The following RSU1 variants were observed in gnomAD, a reference collection of about 807,000 sequenced individuals.
The protein encoded by RSU1 is rsu-1.
Under a neutral mutation model 31.1 loss-of-function variants are expected in RSU1, and 26 were observed. The observed-to-expected ratio is 0.84, with a 90% CI of 0.61 to 1.16. The LOEUF is 1.16. Ranked by LOEUF, RSU1 falls within the 50% of genes most tolerant of loss-of-function variation. RSU1 has a pLI of 0.00. For synonymous variants in RSU1, 164 were observed against 136.3 expected, an observed-to-expected ratio of 1.20 and a Z score of -1.41; for missense variants, 320 against 339.1, an observed-to-expected ratio of 0.94 and a Z score of 0.44.
At chr10:16,803,630 G>C (rs1838205526) in intron 2 of RSU1, among the ~76,000 whole-genome samples, 2 of 152,132 alleles carry the variant, frequency 1.3e-5, no homozygotes, top group Non-Finnish European at 2.9e-5. Flanking sequence ...TGAAACAATA[G>C]ACAAGTAGGT....
intron 3 of RSU1, among the ~76,000 whole-genome samples, chr10:16,771,380 G>A (rs1403456053): frequency 1.3e-5 from 2 of 152,164 alleles, no homozygotes; most frequent in Non-Finnish European, 2.9e-5. Context: ...AATATGACAT[G>A]GGGCATCCAT....
At chr10:16,653,968 C>T (rs1267672629) in intron 8 of RSU1, among the ~76,000 whole-genome samples, 1 of 152,006 alleles carries the variant, frequency 6.6e-6, no homozygotes, top group African/African-American at 2.4e-5. Flanking sequence ...CCCAAGTAAC[C>T]CTAAGTGCCT....
chr10:16,718,122 G>GA (rs1836181332), intron 7 of RSU1, among the ~76,000 whole-genome samples: 1 of 140,980 alleles, frequency 7.1e-6, no homozygotes, highest in Non-Finnish European at 1.5e-5. Flanking sequence ...AAGAAAGAAA[G>GA]AAAGAAAAGA....
chr10:16,777,164 T>A (rs1407454199), intron 3 of RSU1, among the ~76,000 whole-genome samples: 1 of 152,132 alleles, frequency 6.6e-6, no homozygotes. Flanking sequence ...AGTATACGAA[T>A]CAGCATAAAT....
At chr10:16,651,312 C>A (rs1564301258) in intron 8 of RSU1, among the ~76,000 whole-genome samples, 2 of 152,098 alleles carry the variant, frequency 1.3e-5, no homozygotes, top group Non-Finnish European at 2.9e-5. Context: ...ATTTATTTTG[C>A]CAACTTTTCA....
At position 16,611,039 on chromosome 10, in the gene RSU1, A is replaced by T. The variant is rs558017925; in HGVS notation, c.732-17543T>A. 3.3e-5 allele frequency among the ~76,000 whole-genome samples: 5 copies of T among 152,264 alleles called. No individual in the cohort carries two copies. In the South Asian group the frequency reaches 1.0e-3, roughly 32 times the overall value. Reference sequence around the variant, plus strand: ...TATGTTCAGTCCTTCTCTTCCCCCAAAGCACAAAAACATAAAAGCAGCTTT... The same window carrying T: ...TATGTTCAGTCCTTCTCTTCCCCCATAGCACAAAAACATAAAAGCAGCTTT... On this transcript the variant is annotated intron_variant, in intron 8 of 8. Transcript: ENST00000345264.
intron 8 of RSU1, among the ~76,000 whole-genome samples, chr10:16,645,865 TATATAC>T (rs1348400341): frequency 3.9e-5 from 5 of 128,116 alleles, no homozygotes; most frequent in Non-Finnish European, 4.6e-5. Flanking sequence ...TATATACGTA[TATATAC>T]ATATATGTGT....
rs527515193 is a variant in RSU1 at position 16,592,532 on chromosome 10, G to A, written c.*862C>T. 7 of 152,224 alleles carry A rather than the reference G, an allele frequency of 4.6e-5. No individual in the cohort carries two copies. The highest frequency in any genetic ancestry group is 1.7e-4 in the African/African-American group (7 of 41,520). The allele number at this position is 152,224 out of a possible 1,614,324, so 9.4% of individuals were successfully genotyped here. On this transcript the variant is annotated 3_prime_UTR_variant, in exon 9 of 9. Coordinates refer to ENST00000345264, the MANE Select transcript of RSU1 (RefSeq NM_012425.4). Reference sequence around the variant, plus strand: ...GTCGCTTAGAAGAATGCTTCGATGCGAGCAGATTTTCCGCCGTGACAAAAT... The same window carrying A: ...GTCGCTTAGAAGAATGCTTCGATGCAAGCAGATTTTCCGCCGTGACAAAAT...
intron 2 of RSU1, among the ~76,000 whole-genome samples, chr10:16,785,429 T>TATATATATATACACATATATACAC (rs1837758285): frequency 1.1e-5 from 1 of 93,148 alleles, no homozygotes; most frequent in Non-Finnish European, 1.9e-5. Context: ...CATATATACA[T>TATATATATATACACATATATACAC]ATATATATAT....
intron 8 of RSU1, among the ~76,000 whole-genome samples, chr10:16,638,372 C>A (rs1406501071): frequency 2.0e-5 from 3 of 152,158 alleles, no homozygotes; most frequent in Non-Finnish European, 4.4e-5. Flanking sequence ...CCAAAAGATT[C>A]TGCAATATCA....
At chr10:16,792,278 G>C (rs1411757588) in intron 2 of RSU1, among the ~76,000 whole-genome samples, 1 of 152,186 alleles carries the variant, frequency 6.6e-6, no homozygotes, top group Non-Finnish European at 1.5e-5. Context: ...ACTGTCGCAG[G>C]CTGGAGTGCA....
At chr10:16,687,852 T>C (rs1185148082) in intron 8 of RSU1, among the ~76,000 whole-genome samples, 1 of 152,120 alleles carries the variant, frequency 6.6e-6, no homozygotes. Context: ...CCCAAGTAGC[T>C]GAGACTACAG....
chr10:16,684,659 A>G (rs1835406374), intron 8 of RSU1, among the ~76,000 whole-genome samples: 1 of 152,118 alleles, frequency 6.6e-6, no homozygotes. Flanking sequence ...TGACACCTTG[A>G]TCTGGGACTT....
intron 8 of RSU1, among the ~76,000 whole-genome samples, chr10:16,659,301 C>CTTTT (rs869035739): frequency 9.9e-6 from 1 of 100,782 alleles, no homozygotes; most frequent in Non-Finnish European, 2.1e-5. Flanking sequence ...AGGTTATATT[C>CTTTT]TTTTTTTTTT....
chr10:16,764,599 A>G (rs1417158098), intron 3 of RSU1, 89 bp from the exon 4 acceptor site: 1 of 1,377,470 alleles, frequency 7.3e-7, no homozygotes, highest in Admixed American at 2.2e-5. Context: ...CTTTCAAAGC[A>G]AAGAAAGACA....
At chr10:16,721,063 A>T (rs1170751297) in intron 7 of RSU1, among the ~76,000 whole-genome samples, 1 of 152,230 alleles carries the variant, frequency 6.6e-6, no homozygotes, top group Non-Finnish European at 1.5e-5. Context: ...GTACATTTTC[A>T]TTCACAAACA....
chr10:16,617,116 T>C (rs1833991608), intron 8 of RSU1, among the ~76,000 whole-genome samples: 1 of 152,220 alleles, frequency 6.6e-6, no homozygotes, highest in Non-Finnish European at 1.5e-5. Context: ...CTCATTAAGC[T>C]GATAAGCAAC....
chr10:16,796,887 C>A (rs1445698042), intron 2 of RSU1, among the ~76,000 whole-genome samples: 1 of 152,188 alleles, frequency 6.6e-6, no homozygotes, highest in African/African-American at 2.4e-5. Context: ...TAGATGAGGA[C>A]AAGCTACCAG....
At chr10:16,613,027 T>C (rs541147196) in intron 8 of RSU1, among the ~76,000 whole-genome samples, 1 of 152,274 alleles carries the variant, frequency 6.6e-6, no homozygotes, top group South Asian at 2.1e-4. Context: ...TATTTTTTCC[T>C]TCAGTAATAA....
Sources: gnomAD v4.1 joint callset for allele counts (sites outside exome capture counted in the v4.1 genomes callset) on GRCh38, gnomAD v4.1.1 for gene constraint, MANE v1.5 for transcripts, NCBI Gene and HGNC (gene_info 2026-07-23, HGNC 2026-07-21) for gene names.